The following FRZB variants were observed in gnomAD, a reference collection of about 807,000 sequenced individuals.
FRZB encodes secreted frizzled-related protein 3.
In FRZB, 34 loss-of-function variants were observed where a neutral mutation model predicts 32.5. The ratio of observed to expected loss-of-function variants is 1.05; its 90% CI spans 0.80 to 1.39. The LOEUF is 1.39. Ranked by LOEUF, FRZB falls within the 40% of genes most tolerant of loss-of-function variation. FRZB has a pLI of 0.00. For synonymous variants in FRZB, 170 were observed against 159.2 expected (o/e 1.07, Z -0.51); for missense variants, 423 against 424.8 (o/e 1.00, Z 0.04).
intron 1 of FRZB, among the ~76,000 whole-genome samples, chr2:182,863,296 T>C (rs185584785): frequency 1.3e-5 from 2 of 152,230 alleles, no homozygotes; most frequent in South Asian, 2.1e-4. Context: ...AATGACTCAA[T>C]TGAGCTGAGT....
intron 2 of FRZB, among the ~76,000 whole-genome samples, chr2:182,856,676 C>A (rs1490535294): frequency 6.6e-6 from 1 of 151,828 alleles, no homozygotes; most frequent in Non-Finnish European, 1.5e-5. Context: ...TTACCTATAG[C>A]AATATCAGAA....
At position 182,866,432 on chromosome 2, in the gene FRZB, G is replaced by A. The variant is rs757034255; in HGVS notation, c.121C>T (p.Pro41Ser). 12 of 1,596,074 alleles carry A rather than the reference G, an allele frequency of 7.5e-6. No homozygotes were observed. Residue 41 changes from proline (P) to serine (S), a missense_variant, in exon 1 of 6, where the codon CCC (proline) becomes TCC (serine). Coordinates refer to ENST00000295113, the MANE Select transcript of FRZB (RefSeq NM_001463.4). The surrounding 1 kb of genome is among the most constrained non-coding windows in gnomAD (Gnocchi z 4.5). ...TTCCAGGGCAGGGACTTGCACAGGG[G>A]GATGCGGACGGGCTCACAGGCTGCA... ...RAAACEPVRI[P>S]LCKSLPWNMT...
intron 1 of FRZB, among the ~76,000 whole-genome samples, chr2:182,859,810 C>T (rs7592998): frequency 0.92 from 139,965 of 152,258 alleles, 64,424 homozygotes; most frequent in East Asian, 0.97. Context: ...CAAGAAAAGA[C>T]AGCAGTCAGC....
At chr2:182,855,556 G>A (rs569348227) in intron 2 of FRZB, among the ~76,000 whole-genome samples, 1 of 152,128 alleles carries the variant, frequency 6.6e-6, no homozygotes, top group East Asian at 1.9e-4. Context: ...ACCAACGAAA[G>A]AGTCAATGAA....
intron 1 of FRZB, 121 bp downstream of exon 1, chr2:182,865,954 G>C: frequency 1.3e-6 from 1 of 756,834 alleles, no homozygotes; most frequent in Non-Finnish European, 2.2e-6. Flanking sequence ...TAGAGGAGCA[G>C]TTATGGGAGA....
At chr2:182,849,687 C>G (rs938294438) in intron 2 of FRZB, among the ~76,000 whole-genome samples, 1 of 152,186 alleles carries the variant, frequency 6.6e-6, no homozygotes, top group African/African-American at 2.4e-5. Context: ...GGACTCAATT[C>G]ACAGTAATTT....
intron 2 of FRZB, among the ~76,000 whole-genome samples, chr2:182,855,947 A>G (rs73040088): frequency 0.056 from 8,450 of 152,170 alleles, 772 homozygotes; most frequent in African/African-American, 0.19. Flanking sequence ...CAAGACTGCC[A>G]ATTTCCCATG....
At chr2:182,857,910 A>G (rs1695789273) in intron 2 of FRZB, among the ~76,000 whole-genome samples, 1 of 152,224 alleles carries the variant, frequency 6.6e-6, no homozygotes, top group Non-Finnish European at 1.5e-5. Context: ...AAATGTATTC[A>G]GCATCATTAG....
At position 182,834,584 on chromosome 2, in the gene FRZB, T is replaced by C. The variant is rs1695502912; in HGVS notation, c.*265A>G. 2.3e-6 allele frequency: 1 copy of C among 429,114 alleles called. No individual in the cohort carries two copies. Among genetic ancestry groups the C allele is most frequent in the African/African-American group, 2.0e-5 (1 of 50,538 alleles). 26.6% of individuals were successfully genotyped at this position (429,114 alleles called of 1,614,324 possible). A position where few individuals can be genotyped will look rare whatever the true frequency, so the allele number is the denominator to read the frequency against. ...TAACAGCATGTTTAATTTATTATTA[T>C]TGCAAAAGAACAGTTTTTCTCATGA... On this transcript the variant is annotated 3_prime_UTR_variant, in exon 6 of 6. Transcript: ENST00000295113.
At chr2:182,839,139 C>A (rs2105752437) in intron 3 of FRZB, among the ~76,000 whole-genome samples, 1 of 152,176 alleles carries the variant, frequency 6.6e-6, no homozygotes, top group East Asian at 1.9e-4. Context: ...TTGTCCTGCT[C>A]AGTAGTGTTC....
chr2:182,853,995 C>T (rs538899525), intron 2 of FRZB, among the ~76,000 whole-genome samples: 1 of 152,284 alleles, frequency 6.6e-6, no homozygotes, highest in South Asian at 2.1e-4. Flanking sequence ...TGAAAAACTA[C>T]TGCTATACAC....
intron 1 of FRZB, among the ~76,000 whole-genome samples, chr2:182,861,730 A>G (rs1574989653): frequency 2.0e-5 from 3 of 152,358 alleles, no homozygotes; most frequent in Middle Eastern, 3.4e-3. Context: ...TGGTCTCCTC[A>G]TTCTAGACAC....
intron 2 of FRZB, among the ~76,000 whole-genome samples, chr2:182,844,721 T>C (rs1695622155): frequency 6.6e-6 from 1 of 152,194 alleles, no homozygotes; most frequent in Non-Finnish European, 1.5e-5. Context: ...GGCAGGGATT[T>C]TTTTAAATTA....
In FRZB at chr2:182,838,415, C is replaced by T. The variant is rs141551747; in HGVS notation, c.791G>A (p.Arg264His). 1.0e-4 allele frequency: 161 copies of T among 1,608,850 alleles called. No homozygotes were observed. The highest frequency in any genetic ancestry group is 3.3e-4 in the Middle Eastern group (2 of 6,038). Reference sequence around the variant, plus strand: ...TCCTTAAAGAGTGAATTACCTGGAACGTTCCTCATCTTCATAGCCCATGAT... The same window carrying T: ...TCCTTAAAGAGTGAATTACCTGGAATGTTCCTCATCTTCATAGCCCATGAT... ...YIIMGYEDEE[R>H]SRLLLVEGSI... Residue 264 changes from arginine to histidine, a missense_variant, in exon 4 of 6, where the codon CGT (arginine) becomes CAT (histidine). Arg to His is a conservative substitution (Grantham distance 29). Coordinates refer to ENST00000295113, the MANE Select transcript of FRZB (RefSeq NM_001463.4).
At chr2:182,846,246 T>A (rs1695638823) in intron 2 of FRZB, among the ~76,000 whole-genome samples, 1 of 152,210 alleles carries the variant, frequency 6.6e-6, no homozygotes, top group Admixed American at 6.5e-5. Context: ...TGCAACATTG[T>A]TTGAGTTCAA....
intron 2 of FRZB, among the ~76,000 whole-genome samples, chr2:182,853,664 G>A (rs1226252000): frequency 5.3e-5 from 8 of 152,300 alleles, no homozygotes; most frequent in African/African-American, 1.9e-4. Flanking sequence ...ACCATGATAA[G>A]ATTCAGTGGA....
At chr2:182,858,694 A>T in intron 2 of FRZB, 92 bp downstream of exon 2, 1 of 873,392 alleles carries the variant, frequency 1.1e-6, no homozygotes. Flanking sequence ...AATGTAGGGC[A>T]CAAGCTTCCC....
At chr2:182,842,602 T>C in intron 2 of FRZB, 59 bp from the exon 3 acceptor site, 3 of 1,390,870 alleles carry the variant, frequency 2.2e-6, no homozygotes, top group Non-Finnish European at 3.1e-6. Flanking sequence ...TTTGTTTTGC[T>C]CAGACTCACA....
chr2:182,852,540 T>C (rs894549129), intron 2 of FRZB, among the ~76,000 whole-genome samples: 12 of 152,188 alleles, frequency 7.9e-5, no homozygotes, highest in Non-Finnish European at 1.6e-4. Flanking sequence ...ATTTACCAAC[T>C]CTATCTCCGC....
Sources: allele counts gnomAD v4.1 joint callset (sites outside exome capture counted in the v4.1 genomes callset), GRCh38; gene constraint gnomAD v4.1.1; non-coding constraint Gnocchi (gnomAD v3.1); transcripts MANE v1.5; gene names NCBI Gene and HGNC (gene_info 2026-07-23, HGNC 2026-07-21).